Variants in GFRA1 observed in about 807,000 individuals in gnomAD.
GFRA1 encodes GDNF family receptor alpha 1.
Under a neutral mutation model 51.6 loss-of-function variants are expected in GFRA1, and 16 were observed. The ratio of observed to expected loss-of-function variants is 0.31; its 90% CI spans 0.21 to 0.47. The LOEUF (loss-of-function observed/expected upper bound fraction) is 0.47, where lower values mean the gene tolerates loss of function less well. Ranked by LOEUF, GFRA1 falls within the 20% of genes least tolerant of loss-of-function variation. GFRA1 has a pLI of 1.00. For missense variants in GFRA1, 530 were observed against 594.3 expected, an observed-to-expected ratio of 0.89 and a Z score of 1.13; for synonymous variants, 270 against 241.3, an observed-to-expected ratio of 1.12 and a Z score of -1.10.
rs532849428 is a variant in GFRA1, at chr10:116,139,985, T to G, written c.434-14428A>C. Among the ~76,000 whole-genome samples the G allele has an allele frequency of 1.5e-4, 23 of 152,332 alleles. No homozygotes were observed. The South Asian group carries it at 3.7e-3, about 25-fold the overall frequency. On this transcript the variant is annotated intron_variant, in intron 5 of 10. Coordinates refer to ENST00000355422, the MANE Select transcript of GFRA1 (RefSeq NM_005264.8). ...CTTTTACCCTTTGGCCTTCAAAAAA[T>G]GAATGATAAATGGGTCCTGAGAATT...
intron 7 of GFRA1, among the ~76,000 whole-genome samples, chr10:116,095,976 C>G (rs1056240642): frequency 6.6e-6 from 1 of 152,108 alleles, no homozygotes; most frequent in African/African-American, 2.4e-5. Context: ...CCCTGGTATC[C>G]AGGGGTCCAA....
chr10:116,267,975 A>G (rs1969805551), intron 4 of GFRA1, among the ~76,000 whole-genome samples: 1 of 144,002 alleles, frequency 6.9e-6, no homozygotes, highest in Admixed American at 7.0e-5. Context: ...ACACACACAC[A>G]CTTTTCCTCT....
intron 5 of GFRA1, among the ~76,000 whole-genome samples, chr10:116,196,745 AATATATATTATATATT>A (rs1963895514): frequency 1.1e-5 from 1 of 88,496 alleles, no homozygotes; most frequent in Non-Finnish European, 2.4e-5. Flanking sequence ...TACTATATAT[AATATATATTATATATT>A]ATATATATAA....
At chr10:116,163,779 C>T (rs1273464299) in intron 5 of GFRA1, among the ~76,000 whole-genome samples, 4 of 152,196 alleles carry the variant, frequency 2.6e-5, no homozygotes, top group African/African-American at 9.6e-5. Context: ...TAAGGTCACA[C>T]TCTCCGCCAG....
chr10:116,267,995 G>C (rs878996377), intron 4 of GFRA1, among the ~76,000 whole-genome samples: 1 of 151,350 alleles, frequency 6.6e-6, no homozygotes, highest in Non-Finnish European at 1.5e-5. Context: ...TGAAGGAAAA[G>C]ACAGAATAAT....
At chr10:116,101,650 A>C (rs188389501) in intron 6 of GFRA1, among the ~76,000 whole-genome samples, 1 of 152,326 alleles carries the variant, frequency 6.6e-6, no homozygotes, top group East Asian at 1.9e-4. Flanking sequence ...GTTTTAGGAA[A>C]GTAGTGTGAT....
intron 5 of GFRA1, among the ~76,000 whole-genome samples, chr10:116,206,686 G>GCAGCCGCGCC (rs1312920349): frequency 2.1e-5 from 3 of 144,616 alleles, no homozygotes; most frequent in Admixed American, 1.5e-4. Context: ...GGGCTGGAGT[G>GCAGCCGCGCC]CAGCCGCGCG....
In GFRA1 at chr10:116,166,961, G is replaced by A. The variant is rs947317941; in HGVS notation, c.434-41404C>T. 9.2e-5 allele frequency among the ~76,000 whole-genome samples: 14 copies of A among 151,412 alleles called. No individual in the cohort carries two copies. In the East Asian group the frequency reaches 1.9e-3, roughly 21 times the overall value. ...ACTACAGGCGCCCGCCTCCACACCC[G>A]GCTAATTTTTTGTATTTTTAGTAGA... On this transcript the variant is annotated intron_variant, in intron 5 of 10. Coordinates refer to ENST00000355422, the MANE Select transcript of GFRA1 (RefSeq NM_005264.8).
intron 5 of GFRA1, among the ~76,000 whole-genome samples, chr10:116,197,260 A>C (rs1963959500): frequency 6.6e-6 from 1 of 152,092 alleles, no homozygotes; most frequent in Non-Finnish European, 1.5e-5. Flanking sequence ...GACTCCAAAA[A>C]GGCACCAGAG....
intron 6 of GFRA1, among the ~76,000 whole-genome samples, chr10:116,123,349 G>C (rs1957723873): frequency 6.6e-6 from 1 of 152,208 alleles, no homozygotes; most frequent in Admixed American, 6.5e-5. Flanking sequence ...CAGTTCATAA[G>C]ACGCTTGGTC....
At chr10:116,109,615 A>T (rs1957127431) in intron 6 of GFRA1, among the ~76,000 whole-genome samples, 1 of 152,142 alleles carries the variant, frequency 6.6e-6, no homozygotes. Flanking sequence ...AAGTGAGGAC[A>T]CAAAAGTCTT....
chr10:116,210,592 T>G (rs943088190), intron 5 of GFRA1, among the ~76,000 whole-genome samples: 1 of 152,212 alleles, frequency 6.6e-6, no homozygotes, highest in Non-Finnish European at 1.5e-5. Flanking sequence ...GACTCCAGAC[T>G]CTTAAAAGAC....
intron 5 of GFRA1, among the ~76,000 whole-genome samples, chr10:116,146,719 C>A (rs1476706243): frequency 6.6e-6 from 1 of 152,206 alleles, no homozygotes; most frequent in East Asian, 1.9e-4. Flanking sequence ...AAATCAACTG[C>A]CCCTTAGCCA....
At position 116,084,021 on chromosome 10, in the gene GFRA1, C is replaced by T. The variant is rs973279452; in HGVS notation, c.1197+5720G>A. ...GTTGGGAGGCTGGCAAGGTGTGAAC[C>T]TAGGCTGAAATCCAGTGAATGTGGC... On this transcript the variant is annotated intron_variant, in intron 9 of 10. Coordinates refer to ENST00000355422, the MANE Select transcript of GFRA1 (RefSeq NM_005264.8). Among the ~76,000 whole-genome samples the T allele has an allele frequency of 5.9e-5, 9 of 152,146 alleles. No homozygotes were observed. In the East Asian group the frequency reaches 1.5e-3, roughly 26 times the overall value.
At chr10:116,233,360 C>G (rs1055455895) in intron 4 of GFRA1, among the ~76,000 whole-genome samples, 3 of 152,046 alleles carry the variant, frequency 2.0e-5, no homozygotes. Context: ...TTGAGTTAAT[C>G]AGCTTTCGGA....
intron 9 of GFRA1, among the ~76,000 whole-genome samples, chr10:116,074,121 C>G (rs1246813728): frequency 6.6e-6 from 1 of 152,174 alleles, no homozygotes; most frequent in Admixed American, 6.5e-5. Flanking sequence ...ACCAAATACA[C>G]CCATCGCTGA....
intron 5 of GFRA1, among the ~76,000 whole-genome samples, chr10:116,155,890 G>A (rs575344433): frequency 6.6e-6 from 1 of 152,282 alleles, no homozygotes; most frequent in African/African-American, 2.4e-5. Flanking sequence ...GGCTAGTAAG[G>A]GAGGGAGAAG....
chr10:116,082,810 T>A (rs1955908664), intron 9 of GFRA1, among the ~76,000 whole-genome samples: 1 of 152,102 alleles, frequency 6.6e-6, no homozygotes. Context: ...GAAGACACAA[T>A]ACAATCTAAA....
intron 4 of GFRA1, among the ~76,000 whole-genome samples, chr10:116,248,157 C>T (rs1044094958): frequency 5.9e-5 from 9 of 152,054 alleles, no homozygotes; most frequent in African/African-American, 1.9e-4. Context: ...TCTGTGGCCC[C>T]GAACTTCTTG....
Sources: gnomAD v4.1 joint callset for allele counts (sites outside exome capture counted in the v4.1 genomes callset) on GRCh38, gnomAD v4.1.1 for gene constraint, MANE v1.5 for transcripts, NCBI Gene and HGNC (gene_info 2026-07-23, HGNC 2026-07-21) for gene names.